Variants in SIPA1L3 observed in about 807,000 individuals in gnomAD.
The protein encoded by SIPA1L3 is signal induced proliferation associated 1 like 3, also known as signal-induced proliferation-associated 1-like protein 3.
SIPA1L3 carries 59 observed loss-of-function variants against 150.1 expected under a neutral mutation model. The observed-to-expected ratio is 0.39, with a 90% CI of 0.32 to 0.49. The LOEUF (loss-of-function observed/expected upper bound fraction) is 0.49. Among genes scored for constraint, SIPA1L3 ranks in the 20% least tolerant of loss-of-function variants. The probability of loss-of-function intolerance (pLI) is 0.86; values close to 1 mark genes in which losing one functional copy is unlikely to be tolerated. For synonymous variants in SIPA1L3, 1,070 were observed against 1,077.6 expected (o/e 0.99, Z 0.14); for missense variants, 2,211 against 2,489.5 (o/e 0.89, Z 2.38).
chr19:38,072,322 A>G (rs1427412558), intron 2 of SIPA1L3, among the ~76,000 whole-genome samples: 1 of 152,204 alleles, frequency 6.6e-6, no homozygotes, highest in East Asian at 1.9e-4. Context: ...TGGACCATAG[A>G]AGGATTCTAT....
At chr19:38,158,754 G>A (rs923632202) in intron 13 of SIPA1L3, among the ~76,000 whole-genome samples, 1 of 152,368 alleles carries the variant, frequency 6.6e-6, no homozygotes, top group Middle Eastern at 3.4e-3. Context: ...TTTGGCCACA[G>A]CAGCTGAAAG....
intron 4 of SIPA1L3, 51 bp downstream of exon 4, chr19:38,088,902 C>G: frequency 6.3e-7 from 1 of 1,595,984 alleles, no homozygotes; most frequent in Non-Finnish European, 8.6e-7. Flanking sequence ...CCACTCACAT[C>G]TCGAGCCAGG....
chr19:38,060,024 C>G (rs2145778052), intron 2 of SIPA1L3, among the ~76,000 whole-genome samples: 1 of 152,328 alleles, frequency 6.6e-6, no homozygotes, highest in African/African-American at 2.4e-5. Context: ...ACCCGCCCAC[C>G]TCAGCCTCTC....
chr19:38,182,771 G>A (rs760881991), intron 16 of SIPA1L3, 31 bp downstream of exon 16: 40 of 1,531,904 alleles, frequency 2.6e-5, no homozygotes, highest in South Asian at 1.3e-4. Flanking sequence ...CGAGGCGCCC[G>A]CCAGATCCAC....
chr19:38,077,635 G>GT (rs1175767133), intron 2 of SIPA1L3, among the ~76,000 whole-genome samples: 1 of 97,370 alleles, frequency 1.0e-5, no homozygotes, highest in African/African-American at 3.9e-5. Context: ...TGTTTCTGTT[G>GT]TTTTTTCTTT....
At chr19:38,073,611 G>A (rs1046798366) in intron 2 of SIPA1L3, among the ~76,000 whole-genome samples, 1 of 152,164 alleles carries the variant, frequency 6.6e-6, no homozygotes, top group African/African-American at 2.4e-5. Flanking sequence ...ACGCTTGGCA[G>A]TCTGTGGCCG....
intron 1 of SIPA1L3, chr19:37,932,586 GGT>G (rs1291266683): frequency 6.6e-6 from 1 of 152,208 alleles, no homozygotes; most frequent in Non-Finnish European, 1.5e-5. Flanking sequence ...AGCCAAGGCA[GGT>G]GGCCTCGCCC....
intron 20 of SIPA1L3, chr19:38,203,827 C>T (rs914133257): frequency 1.9e-5 from 7 of 359,038 alleles, no homozygotes; most frequent in African/African-American, 1.5e-4. Flanking sequence ...AAGAAGGGGT[C>T]CTCCCTGAAG....
Position 38,141,184 on chromosome 19 carries a change from G to C in SIPA1L3, c.3144G>C (p.Arg1048Ser). 1 of 1,582,352 alleles carries C rather than the reference G, an allele frequency of 6.3e-7. No homozygotes were observed. The highest frequency in any genetic ancestry group is 8.6e-7 in the Non-Finnish European group (1 of 1,162,522). The part of the protein sequence containing the change: ...IPPFEDGTPR[R>S]GWPETYDMNT... Reference sequence around the variant, plus strand: ...TGAGTAATGCAGTTTTTCTCCCCAGGGGTTGGCCGGAGACCTACGACATGA... The same window carrying C: ...TGAGTAATGCAGTTTTTCTCCCCAGCGGTTGGCCGGAGACCTACGACATGA... Residue 1048 changes from arginine (R) to serine (S), a missense_variant and splice_region_variant, in exon 11 of 22, where the codon AGG (arginine) becomes AGC (serine). This residue lies in a region of SIPA1L3 where 625 missense variants were observed against 804.2 expected (regional missense o/e 0.78). Coordinates refer to ENST00000222345, the MANE Select transcript of SIPA1L3 (RefSeq NM_015073.3).
intron 12 of SIPA1L3, among the ~76,000 whole-genome samples, chr19:38,149,226 C>G (rs1339104268): frequency 6.6e-6 from 1 of 152,074 alleles, no homozygotes; most frequent in Non-Finnish European, 1.5e-5. Flanking sequence ...TATGGTGAAA[C>G]CTCATCTCTA....
chr19:38,008,217 CTTTTTTTTTTTTT>C (rs35422339), intron 1 of SIPA1L3, among the ~76,000 whole-genome samples: 7 of 50,126 alleles, frequency 1.4e-4, no homozygotes, highest in East Asian at 8.7e-4. Context: ...CCATAGGCTG[CTTTTTTTTTTTTT>C]TTTTTTTTTT....
chr19:38,202,268 A>C (rs1335812290), intron 20 of SIPA1L3, among the ~76,000 whole-genome samples: 4 of 152,092 alleles, frequency 2.6e-5, no homozygotes, highest in Non-Finnish European at 5.9e-5. Context: ...CAATACACAC[A>C]CAGTTGTTTC....
chr19:38,192,461 G>A (rs1600194658), intron 17 of SIPA1L3, 151 bp downstream of exon 17: 2 of 698,120 alleles, frequency 2.9e-6, no homozygotes, highest in Non-Finnish European at 2.3e-6. Flanking sequence ...TCCTGTTGGG[G>A]GCTATGGGCT....
chr19:38,082,205 C>T lies in SIPA1L3; in HGVS notation c.640C>T (p.Pro214Ser), dbSNP rs1471566197. ...STSSIDVQGM[P>S]EQSFFDILNE... ...CTCGTCCATCGACGTGCAGGGCATG[C>T]CCGAGCAGAGCTTCTTCGACATCCT... Residue 214 changes from proline to serine, a missense_variant, in exon 3 of 22, where the codon CCC becomes TCC. By Grantham distance (74) the Pro-to-Ser change is moderately conservative. Around this residue, in one of 5 missense-constraint regions of SIPA1L3, gnomAD observed 587 missense variants for 534.5 expected, o/e 1.10. Transcript: ENST00000222345. The T allele has an allele frequency of 6.2e-7, 1 of 1,603,320 alleles. No individual in the cohort carries two copies. The highest frequency in any genetic ancestry group is 1.1e-5 in the South Asian group (1 of 91,088).
chr19:38,111,380 C>G (rs900440810), intron 8 of SIPA1L3, among the ~76,000 whole-genome samples: 5 of 152,120 alleles, frequency 3.3e-5, no homozygotes, highest in African/African-American at 1.2e-4. Flanking sequence ...CTTTCTGATA[C>G]TTCATATTCC....
chr19:37,994,626 C>T (rs1329949537), intron 1 of SIPA1L3, among the ~76,000 whole-genome samples: 6 of 152,150 alleles, frequency 3.9e-5, no homozygotes, highest in South Asian at 2.1e-4. Flanking sequence ...AAGTGTTTAT[C>T]GCTAGCGCCT....
chr19:38,000,927 T>TATATAAC (rs1448570543), intron 1 of SIPA1L3, among the ~76,000 whole-genome samples: 1 of 133,406 alleles, frequency 7.5e-6, no homozygotes, highest in East Asian at 2.0e-4. Flanking sequence ...ATATAACATA[T>TATATAAC]ATATAACATA....
intron 4 of SIPA1L3, among the ~76,000 whole-genome samples, chr19:38,091,197 C>A (rs1205315995): frequency 6.6e-6 from 1 of 152,020 alleles, no homozygotes; most frequent in African/African-American, 2.4e-5. Flanking sequence ...ACCAGCCTGG[C>A]CAATATGGTA....
At chr19:37,972,482 C>G (rs1966967616) in intron 1 of SIPA1L3, among the ~76,000 whole-genome samples, 1 of 152,032 alleles carries the variant, frequency 6.6e-6, no homozygotes, top group Non-Finnish European at 1.5e-5. Context: ...GTGGGAGGAT[C>G]ACTTGAGGCC....
Sources: gnomAD v4.1 joint callset for allele counts (sites outside exome capture counted in the v4.1 genomes callset) on GRCh38, gnomAD v4.1.1 for gene constraint, gnomAD v4.1.1 regional missense constraint, MANE v1.5 for transcripts, NCBI Gene and HGNC (gene_info 2026-07-23, HGNC 2026-07-21) for gene names.